ASAP1: variants seen among roughly 807,000 people sequenced by gnomAD.
The protein encoded by ASAP1 is arf-GAP with SH3 domain, ANK repeat and PH domain-containing protein 1.
ASAP1 carries 43 observed loss-of-function variants against 145.2 expected under a neutral mutation model. That is an observed-to-expected ratio of 0.30 (90% CI 0.23 to 0.38). ASAP1 has a LOEUF of 0.38. ASAP1 is among the 10% of genes least tolerant of loss of function. The pLI, the probability that ASAP1 is intolerant of heterozygous loss-of-function variation, is 1.00. For missense variants in ASAP1, 1,018 were observed against 1,355.3 expected (o/e 0.75, Z 3.91); for synonymous variants, 546 against 515.5 (o/e 1.06, Z -0.80).
At chr8:130,307,355 C>CA (rs75767105) in intron 3 of ASAP1, among the ~76,000 whole-genome samples, 28,476 of 151,962 alleles carry the variant, frequency 0.19, 3,354 homozygotes, top group East Asian at 0.45. Context: ...GATCCTGTGG[C>CA]AAAAAATAAA....
chr8:130,143,128 C>T (rs2097616653), intron 13 of ASAP1, among the ~76,000 whole-genome samples: 1 of 152,204 alleles, frequency 6.6e-6, no homozygotes, highest in East Asian at 1.9e-4. Context: ...TTCCTGAAGG[C>T]TGTCTTGAGC....
At chr8:130,078,561 C>T (rs1207007883) in intron 26 of ASAP1, among the ~76,000 whole-genome samples, 7 of 152,154 alleles carry the variant, frequency 4.6e-5, no homozygotes, top group Admixed American at 2.6e-4. Flanking sequence ...GCTGGGATTA[C>T]AGGTGAGCCA....
chr8:130,133,428 G>A (rs574202511), intron 15 of ASAP1, among the ~76,000 whole-genome samples: 28 of 151,354 alleles, frequency 1.8e-4, no homozygotes, highest in South Asian at 1.5e-3. Flanking sequence ...AGGCCGAGGC[G>A]GGTGGATCAT....
intron 3 of ASAP1, among the ~76,000 whole-genome samples, chr8:130,269,320 T>C (rs1820451599): frequency 6.6e-6 from 1 of 152,196 alleles, no homozygotes; most frequent in Admixed American, 6.5e-5. Context: ...CCAATGCAGA[T>C]TTCTGTGATA....
intron 4 of ASAP1, among the ~76,000 whole-genome samples, chr8:130,217,485 G>A (rs1286176185): frequency 4.0e-5 from 6 of 148,698 alleles, no homozygotes; most frequent in African/African-American, 7.4e-5. Flanking sequence ...ATATACACAC[G>A]TATATATGTA....
At chr8:130,100,363 CTT>C (rs1491333976) in intron 24 of ASAP1, among the ~76,000 whole-genome samples, 1 of 151,562 alleles carries the variant, frequency 6.6e-6, no homozygotes, top group Non-Finnish European at 1.5e-5. Flanking sequence ...GAGTTTCACT[CTT>C]GTTGCCCAGG....
intron 13 of ASAP1, among the ~76,000 whole-genome samples, chr8:130,152,089 G>T (rs1361397438): frequency 6.6e-6 from 1 of 152,168 alleles, no homozygotes; most frequent in Non-Finnish European, 1.5e-5. Flanking sequence ...CATAATAAAT[G>T]CTCATCTCTC....
At chr8:130,365,477 T>C (rs1826908638) in intron 2 of ASAP1, among the ~76,000 whole-genome samples, 1 of 152,174 alleles carries the variant, frequency 6.6e-6, no homozygotes, top group African/African-American at 2.4e-5. Context: ...TTGCGATCTA[T>C]AGGAACGAGG....
intron 1 of ASAP1, among the ~76,000 whole-genome samples, chr8:130,407,795 A>T (rs1231732907): frequency 1.3e-5 from 2 of 152,180 alleles, no homozygotes; most frequent in African/African-American, 4.8e-5. Context: ...TTCCTCAAAT[A>T]GGTGTTTTTT....
At chr8:130,157,567 T>TCC (rs2097660490) in intron 12 of ASAP1, among the ~76,000 whole-genome samples, 1 of 152,152 alleles carries the variant, frequency 6.6e-6, no homozygotes, top group African/African-American at 2.4e-5. Flanking sequence ...CATGTTGGAT[T>TCC]ATGTCACTCT....
chr8:130,220,584 C>T (rs1325020301), intron 4 of ASAP1, among the ~76,000 whole-genome samples: 1 of 152,134 alleles, frequency 6.6e-6, no homozygotes, highest in Non-Finnish European at 1.5e-5. Flanking sequence ...TACCTGTAAT[C>T]CCAGTACTTT....
At position 130,115,708 on chromosome 8, in the gene ASAP1, T is replaced by A; in HGVS notation, c.2092A>T (p.Asn698Tyr). The change falls in exon 23 of 30, where the codon AAT (asparagine) becomes TAT (tyrosine). Residue 698 changes from asparagine (N) to tyrosine (Y), a missense_variant. Physicochemically the swap from Asn to Tyr is moderately radical, Grantham distance 143. Coordinates refer to ENST00000518721, the MANE Select transcript of ASAP1 (RefSeq NM_018482.4). Reference sequence around the variant, plus strand: ...TCATATTCTACGTGGACGTGTGGATTGAACTTTCCAGATTTAGCCTGGGAA... The same window carrying A: ...TCATATTCTACGTGGACGTGTGGATAGAACTTTCCAGATTTAGCCTGGGAA... Reference protein sequence around the residue: ...LLSQAKSGKFNPHVHVEYEWN... With the variant: ...LLSQAKSGKFYPHVHVEYEWN... 1 of 1,614,136 alleles carries A rather than the reference T, an allele frequency of 6.2e-7. No homozygotes were observed. The highest frequency in any genetic ancestry group is 1.1e-5 in the South Asian group (1 of 91,074).
At chr8:130,170,535 T>G (rs1218274878) in intron 9 of ASAP1, among the ~76,000 whole-genome samples, 1 of 152,210 alleles carries the variant, frequency 6.6e-6, no homozygotes, top group Non-Finnish European at 1.5e-5. Context: ...CTATTAGAAG[T>G]GGCCTTCAGA....
intron 27 of ASAP1, among the ~76,000 whole-genome samples, chr8:130,068,132 T>A (rs1481041926): frequency 2.6e-5 from 4 of 152,184 alleles, no homozygotes; most frequent in Non-Finnish European, 4.4e-5. Context: ...CAGAGATGGA[T>A]CCAACTCCCC....
chr8:130,228,018 TA>T (rs1817685447), intron 4 of ASAP1, among the ~76,000 whole-genome samples: 1 of 152,184 alleles, frequency 6.6e-6, no homozygotes, highest in South Asian at 2.1e-4. Flanking sequence ...GCAGTATTGT[TA>T]GACACTATCA....
In ASAP1 at chr8:130,187,253, T is replaced by C. The variant is rs771544790; in HGVS notation, c.513A>G (p.Lys171=). ...CCACTTACAACTTTGTCTCATAATC[T>C]TTCCAGGCTTTGTCAAATGGCTTCT... The part of the protein sequence containing the change: ...DLKKPFDKAW[K]DYETKFTKIE... Residue 171 remains lysine (K), a synonymous_variant, in exon 7 of 30, where the codon AAA becomes AAG. Transcript: ENST00000518721. 34 of 1,609,652 alleles carry C rather than the reference T, an allele frequency of 2.1e-5. No homozygotes were observed. The Admixed American group carries it at 4.1e-4, about 19-fold the overall frequency.
At chr8:130,060,522 A>T in intron 28 of ASAP1, 57 bp downstream of exon 28, 1 of 1,527,442 alleles carries the variant, frequency 6.5e-7, no homozygotes. Flanking sequence ...CTGCCCTCCC[A>T]CCAACTTGCA....
chr8:130,079,158 G>T (rs561865725), intron 26 of ASAP1, among the ~76,000 whole-genome samples: 1 of 152,274 alleles, frequency 6.6e-6, no homozygotes, highest in South Asian at 2.1e-4. Flanking sequence ...TCATACCACT[G>T]CACTCCAGTC....
chr8:130,301,886 T>C (rs191947210), intron 3 of ASAP1, among the ~76,000 whole-genome samples: 9 of 152,352 alleles, frequency 5.9e-5, no homozygotes, highest in Admixed American at 3.9e-4. Flanking sequence ...TAAGTAAAGC[T>C]TGCATACAGG....
Sources: gnomAD v4.1 joint callset for allele counts (sites outside exome capture counted in the v4.1 genomes callset) on GRCh38, gnomAD v4.1.1 for gene constraint, MANE v1.5 for transcripts, NCBI Gene and HGNC (gene_info 2026-07-23, HGNC 2026-07-21) for gene names.